The following ITGAL variants were observed in gnomAD, a reference collection of about 807,000 sequenced individuals.
ITGAL encodes the protein integrin subunit alpha L, also known as integrin alpha-L.
A neutral mutation model predicts 138.4 loss-of-function variants in ITGAL; 68 were observed. That is an observed-to-expected ratio of 0.49 (90% CI 0.40 to 0.60). The LOEUF (loss-of-function observed/expected upper bound fraction) is 0.60, where lower values mean the gene tolerates loss of function less well. Ranked by LOEUF, ITGAL falls within the 20% of genes least tolerant of loss-of-function variation. The pLI, the probability that ITGAL is intolerant of heterozygous loss-of-function variation, is 0.00. For missense variants in ITGAL, 1,256 were observed against 1,478.6 expected (o/e 0.85, Z 2.47); for synonymous variants, 561 against 584.3 (o/e 0.96, Z 0.57).
chr16:30,476,398 A>G (rs1286544603), intron 4 of ITGAL, among the ~76,000 whole-genome samples: 1 of 152,134 alleles, frequency 6.6e-6, no homozygotes, highest in African/African-American at 2.4e-5. Context: ...TTGATATGCA[A>G]TATGATTTTT....
Position 30,521,849 on chromosome 16 carries a change from C to T in ITGAL, c.*184C>T, listed in dbSNP as rs1367735118. ...CTCCTTTGCAGGCTCATAGGGAAGA[C>T]CTGCTGAGGGACCAGCCAAGAGGGC... On this transcript the variant is annotated 3_prime_UTR_variant, in exon 31 of 31. Coordinates refer to ENST00000356798, the MANE Select transcript of ITGAL (RefSeq NM_002209.3). 13 of 609,648 alleles carry T rather than the reference C, an allele frequency of 2.1e-5. No individual in the cohort carries two copies. Among genetic ancestry groups the T allele is most frequent in the Non-Finnish European group, 3.1e-5 (11 of 356,294 alleles). 37.8% of individuals were successfully genotyped at this position (609,648 alleles called of 1,614,324 possible). A position where few individuals can be genotyped will look rare whatever the true frequency, so the allele number is the denominator to read the frequency against.
intron 25 of ITGAL, among the ~76,000 whole-genome samples, chr16:30,515,887 G>A (rs1048748931): frequency 1.3e-5 from 2 of 151,818 alleles, no homozygotes; most frequent in Admixed American, 6.6e-5. Context: ...CAGGAGAATC[G>A]CTTGAACCTG....
intron 17 of ITGAL, 122 bp from the exon 18 acceptor site, chr16:30,504,053 G>A: frequency 1.3e-6 from 1 of 746,006 alleles, no homozygotes; most frequent in Non-Finnish European, 2.3e-6. Flanking sequence ...AATACTGGTA[G>A]GGTCTTAGAC....
chr16:30,521,727 C>T lies in ITGAL; in HGVS notation c.*62C>T. 1 of 1,522,898 alleles carries T rather than the reference C, an allele frequency of 6.6e-7. No homozygotes were observed. Among genetic ancestry groups the T allele is most frequent in the Non-Finnish European group, 9.0e-7 (1 of 1,114,878 alleles). 94.3% of individuals were successfully genotyped at this position (1,522,898 alleles called of 1,614,324 possible). On this transcript the variant is annotated 3_prime_UTR_variant, in exon 31 of 31. Coordinates refer to ENST00000356798, the MANE Select transcript of ITGAL (RefSeq NM_002209.3). ...ACTCAGGATGCCCAGGGCCACTCTG[C>T]CTCTGCCTGCATTCTGCCGTGTGCC...
rs951127614 is a variant in ITGAL at position 30,472,897 on chromosome 16, C to T, written c.60C>T (p.Phe20=). 1.5e-5 allele frequency: 24 copies of T among 1,612,528 alleles called. No homozygotes were observed. The highest frequency in any genetic ancestry group is 5.3e-5 in the African/African-American group (4 of 74,858). The part of the protein sequence containing the change: ...AMALLSGFFF[F]APASSYNLDV... ...CGCTGCTGTCTGGGTTCTTTTTCTT[C>T]GGTAGGCAAGGGAGGAGGCAGGGGA... Residue 20 remains phenylalanine (F), a splice_region_variant and synonymous_variant, in exon 1 of 31, where the codon TTC becomes TTT. Coordinates refer to ENST00000356798, the MANE Select transcript of ITGAL (RefSeq NM_002209.3).
chr16:30,505,037 G>T, intron 18 of ITGAL: 17 of 322,516 alleles, frequency 5.3e-5, no homozygotes, highest in South Asian at 1.5e-4. Flanking sequence ...AAAAAAAAAA[G>T]AGCTGCCAGC....
chr16:30,492,840 G>A (rs1376712482), intron 11 of ITGAL, among the ~76,000 whole-genome samples: 5 of 151,930 alleles, frequency 3.3e-5, no homozygotes, highest in Admixed American at 6.6e-5. Flanking sequence ...CACCGCGCCC[G>A]GCAACATGAT....
At position 30,517,796 on chromosome 16, in the gene ITGAL, G is replaced by A. The variant is rs1306503967; in HGVS notation, c.3034-1G>A. 6.2e-7 allele frequency: 1 copy of A among 1,614,152 alleles called. No individual in the cohort carries two copies. Among genetic ancestry groups the A allele is most frequent in the South Asian group, 1.1e-5 (1 of 91,086 alleles). On this transcript the variant is annotated splice_acceptor_variant, in intron 27 of 30. Coordinates refer to ENST00000356798, the MANE Select transcript of ITGAL (RefSeq NM_002209.3). LOFTEE classifies it high-confidence loss of function. ...GACCCCGCTTTCCTCATCCTTGTCAGCCTTGTCTCCCCGGAGCCCTGTTCC... is the reference window on the plus strand; with the variant it reads ...GACCCCGCTTTCCTCATCCTTGTCAACCTTGTCTCCCCGGAGCCCTGTTCC...
At chr16:30,498,271 A>AAAAG (rs921113102) in intron 15 of ITGAL, among the ~76,000 whole-genome samples, 11 of 151,380 alleles carry the variant, frequency 7.3e-5, no homozygotes, top group Non-Finnish European at 1.3e-4. Context: ...CTCAAAAAAA[A>AAAAG]AAAAAAAAAT....
At chr16:30,513,111 C>T (rs1330095259) in intron 24 of ITGAL, among the ~76,000 whole-genome samples, 3 of 152,140 alleles carry the variant, frequency 2.0e-5, no homozygotes, top group East Asian at 1.9e-4. Flanking sequence ...GGAGAAAGTG[C>T]GGCTTGGACT....
chr16:30,483,956 C>T lies in ITGAL; in HGVS notation c.852C>T (p.Ile284=), dbSNP rs374466898. 2.1e-5 allele frequency: 34 copies of T among 1,612,126 alleles called. No homozygotes were observed. The highest frequency in any genetic ancestry group is 3.3e-5 in the South Asian group (3 of 91,042). Residue 284 remains isoleucine, a synonymous_variant, in exon 8 of 31, where the codon ATC becomes ATT. Coordinates refer to ENST00000356798, the MANE Select transcript of ITGAL (RefSeq NM_002209.3). ...CCAAAGACATCATCCGCTACATCAT[C>T]GGGGTAGGGCCCCTGCTGCTTCCTG... ...DAAKDIIRYI[I]GIGKHFQTKE...
At chr16:30,478,329 G>T (rs1473337711) in intron 4 of ITGAL, among the ~76,000 whole-genome samples, 1 of 142,758 alleles carries the variant, frequency 7.0e-6, no homozygotes, top group Non-Finnish European at 1.5e-5. Flanking sequence ...GCGAGACTCC[G>T]TCAAAAAAAA....
chr16:30,515,317 C>T (rs1004354915), intron 25 of ITGAL, among the ~76,000 whole-genome samples: 8 of 152,160 alleles, frequency 5.3e-5, no homozygotes, highest in South Asian at 2.1e-4. Context: ...TTTCTGCTAC[C>T]GCCCAGACCC....
intron 17 of ITGAL, among the ~76,000 whole-genome samples, chr16:30,503,441 C>CTTTTTTT (rs3075685): frequency 7.5e-6 from 1 of 133,212 alleles, no homozygotes; most frequent in Non-Finnish European, 1.6e-5. Context: ...TTTTCATTTT[C>CTTTTTTT]TTTTTTTTTT....
At chr16:30,496,372 C>G in intron 14 of ITGAL, 64 bp from the exon 15 acceptor site, 1 of 1,611,922 alleles carries the variant, frequency 6.2e-7, no homozygotes, top group East Asian at 2.2e-5. Flanking sequence ...CTCCCCAGCC[C>G]GATCCTTCCC....
At chr16:30,484,522 C>T (rs1346765964) in intron 9 of ITGAL, among the ~76,000 whole-genome samples, 7 of 152,044 alleles carry the variant, frequency 4.6e-5, no homozygotes, top group Admixed American at 2.6e-4. Context: ...GCGCAAGAAT[C>T]GCTTGAACTC....
intron 7 of ITGAL, among the ~76,000 whole-genome samples, chr16:30,481,869 T>TG (rs1461308470): frequency 1.3e-5 from 2 of 152,032 alleles, no homozygotes; most frequent in African/African-American, 4.8e-5. Context: ...CAGAAGTTTT[T>TG]GTTTGTTTGT....
At chr16:30,503,569 AGGAG>A (rs770543946) in intron 17 of ITGAL, among the ~76,000 whole-genome samples, 1 of 148,748 alleles carries the variant, frequency 6.7e-6, no homozygotes, top group South Asian at 2.2e-4. Flanking sequence ...GAGGCAGGCA[AGGAG>A]GGAGGGAGGG....
At chr16:30,516,467 T>G (rs1175466097) in intron 25 of ITGAL, among the ~76,000 whole-genome samples, 1 of 152,112 alleles carries the variant, frequency 6.6e-6, no homozygotes, top group Non-Finnish European at 1.5e-5. Context: ...TGACCTCAAG[T>G]GATCTGCCCA....
Sources: allele counts gnomAD v4.1 joint callset (sites outside exome capture counted in the v4.1 genomes callset), GRCh38; gene constraint gnomAD v4.1.1; transcripts MANE v1.5; gene names NCBI Gene and HGNC (gene_info 2026-07-23, HGNC 2026-07-21).